Variants in LRRC41 observed in about 807,000 individuals in gnomAD.
The protein encoded by LRRC41 is leucine rich repeat containing 41.
LRRC41 carries 17 observed loss-of-function variants against 72.1 expected under a neutral mutation model. That is an observed-to-expected ratio of 0.24 (90% confidence interval 0.16 to 0.35). The LOEUF (loss-of-function observed/expected upper bound fraction) is 0.35, where lower values mean the gene tolerates loss of function less well. Among genes scored for constraint, LRRC41 ranks in the 10% least tolerant of loss-of-function variants. The pLI is 1.00. For synonymous variants in LRRC41, 427 were observed against 431.0 expected, an observed-to-expected ratio of 0.99 and a Z score of 0.11; for missense variants, 759 against 1,065.0, an observed-to-expected ratio of 0.71 and a Z score of 4.00.
At position 46,281,328 on chromosome 1, in the gene LRRC41, G is replaced by C; in HGVS notation, c.1553C>G (p.Ala518Gly). ...ATGCAGGGCACGGAGGCGACATCCA[G>C]CCTGGCCTGACAGGGCCCGCAGGCT... Reference protein sequence around the residue: ...LDSLRALSGQAGCRLRALHLS... With the variant: ...LDSLRALSGQGGCRLRALHLS... The change falls in exon 5 of 10, where the codon GCT (alanine) becomes GGT (glycine). Residue 518 changes from alanine (A) to glycine (G), a missense_variant. Physicochemically the swap from Ala to Gly is moderately conservative, Grantham distance 60. Around this residue, in one of 4 missense-constraint regions of LRRC41, gnomAD observed 427 missense variants for 520.9 expected, o/e 0.82. Transcript: ENST00000617190. The C allele has an allele frequency of 2.5e-6, 4 of 1,614,212 alleles. No individual in the cohort carries two copies. The highest frequency in any genetic ancestry group is 3.4e-6 in the Non-Finnish European group (4 of 1,180,032).
chr1:46,301,862 A>C, intron 1 of LRRC41: 26 of 611,852 alleles, frequency 4.2e-5, no homozygotes, highest in Non-Finnish European at 5.1e-5. Context: ...CGGGCCTGCC[A>C]CCTCTTCGCC....
chr1:46,281,099 ACAC>A, intron 5 of LRRC41, 23 bp downstream of exon 5: 1 of 1,611,816 alleles, frequency 6.2e-7, no homozygotes, highest in South Asian at 1.1e-5. Flanking sequence ...GCGTGCACAC[ACAC>A]AAACACACAC....
intron 2 of LRRC41, 45 bp from the exon 3 acceptor site, chr1:46,297,678 A>C: frequency 7.4e-7 from 1 of 1,359,634 alleles, no homozygotes; most frequent in Non-Finnish European, 1.1e-6. Flanking sequence ...GGCCACCATG[A>C]GTAAAGTACA....
chr1:46,303,288 CA>C lies in LRRC41; in HGVS notation c.34del (p.Cys12AlafsTer6). On this transcript the variant is annotated frameshift_variant, in exon 1 of 10. Transcript: ENST00000617190. LOFTEE classifies it high-confidence loss of function. ...AAPEAWRARS[C>X]WFCEVAAATT... is the part of the protein sequence containing the mutation. ...TGCCGCCGCTACCTCACAGAACCAGCAACTCCGGGCGCGCCAGGCCTCGGGC... is the reference window on the plus strand; with the variant it reads ...TGCCGCCGCTACCTCACAGAACCAGCACTCCGGGCGCGCCAGGCCTCGGGC... The C allele has an allele frequency of 6.5e-7, 1 of 1,540,864 alleles. No individual in the cohort carries two copies.
At position 46,302,384 on chromosome 1, in the gene LRRC41, C is replaced by G. The variant is rs901276475; in HGVS notation, c.199+740G>C. 2.0e-6 allele frequency: 2 copies of G among 985,174 alleles called. No individual in the cohort carries two copies. Among genetic ancestry groups the G allele is most frequent in the Non-Finnish European group, 2.4e-6 (2 of 829,798 alleles). 61.0% of individuals were successfully genotyped at this position (985,174 alleles called of 1,614,324 possible). On this transcript the variant is annotated intron_variant, in intron 1 of 9. Transcript: ENST00000617190. The surrounding 1 kb of genome is among the most constrained non-coding windows in gnomAD (Gnocchi z 4.7). ...CGCTCTCCGGTCCCTCCTCGCCGCT[C>G]GAGCCGATCCGAGTGGCCTCCGGCG... is the stretch of plus-strand genomic sequence containing the variant.
At chr1:46,283,641 T>C (rs566673829) in intron 4 of LRRC41, among the ~76,000 whole-genome samples, 32 of 152,172 alleles carry the variant, frequency 2.1e-4, no homozygotes, top group South Asian at 1.2e-3. Flanking sequence ...ATGGATGAAA[T>C]TGTCCAAGAA....
In LRRC41 at chr1:46,302,146, G is replaced by C. The variant is rs559334572; in HGVS notation, c.199+978C>G. 4.0e-5 allele frequency: 39 copies of C among 984,976 alleles called. No homozygotes were observed. Among genetic ancestry groups the C allele is most frequent in the Non-Finnish European group, 4.5e-5 (37 of 829,794 alleles). The allele number at this position is 984,976 out of a possible 1,614,324, so 61.0% of individuals were successfully genotyped here. ...CCCAGGCCGCCCTCCATCCAGGCCC[G>C]GCCCTTTGGTCCCGGCCGCCTTCAG... On this transcript the variant is annotated intron_variant, in intron 1 of 9. Transcript: ENST00000617190. The surrounding 1 kb of genome is among the most constrained non-coding windows in gnomAD (Gnocchi z 4.7).
At chr1:46,293,197 A>C (rs1035105762) in intron 3 of LRRC41, among the ~76,000 whole-genome samples, 1 of 151,620 alleles carries the variant, frequency 6.6e-6, no homozygotes, top group African/African-American at 2.4e-5. Flanking sequence ...AAAAAAAAAA[A>C]TTAGTACTCT....
intron 3 of LRRC41, among the ~76,000 whole-genome samples, chr1:46,290,904 G>A (rs577328807): frequency 4.2e-5 from 6 of 144,320 alleles, no homozygotes; most frequent in Non-Finnish European, 7.5e-5. Context: ...CACCATGCCC[G>A]GCCTGTTTCT....
intron 4 of LRRC41, among the ~76,000 whole-genome samples, chr1:46,283,959 C>T (rs887775514): frequency 2.6e-5 from 4 of 151,894 alleles, no homozygotes; most frequent in African/African-American, 9.7e-5. Flanking sequence ...CCACTGCGCC[C>T]GGCCAAGAAA....
At chr1:46,297,667 T>C (rs746215770) in intron 2 of LRRC41, 34 bp from the exon 3 acceptor site, 1 of 1,481,948 alleles carries the variant, frequency 6.7e-7, no homozygotes, top group African/African-American at 1.4e-5. Context: ...GGCTGCTTAC[T>C]GGCCACCATG....
At chr1:46,300,164 C>T (rs1023303413) in intron 1 of LRRC41, 16 of 151,984 alleles carry the variant, frequency 1.1e-4, no homozygotes, top group Admixed American at 3.9e-4. Context: ...CCCATCTCTA[C>T]CAAAAATACA....
intron 3 of LRRC41, among the ~76,000 whole-genome samples, chr1:46,289,578 C>A (rs1040159473): frequency 2.6e-5 from 4 of 151,922 alleles, no homozygotes; most frequent in African/African-American, 7.3e-5. Context: ...CTGGCTAACA[C>A]GGTGAAACCC....
chr1:46,303,480 A>G lies in LRRC41; in HGVS notation c.-158T>C. 1.3e-6 allele frequency: 1 copy of G among 781,470 alleles called. No homozygotes were observed. Among genetic ancestry groups the G allele is most frequent in the Non-Finnish European group, 2.0e-6 (1 of 505,304 alleles). 48.4% of individuals were successfully genotyped at this position (781,470 alleles called of 1,614,324 possible). A position where few individuals can be genotyped will look rare whatever the true frequency, so the allele number is the denominator to read the frequency against. The stretch of plus-strand genomic sequence containing the variant: ...ACACTTTCCAAGTCTCTTAGGAGCT[A>G]CTATTTTAGATAAACTCCTAGATCA... On this transcript the variant is annotated 5_prime_UTR_variant, in exon 1 of 10. Transcript: ENST00000617190.
chr1:46,302,270 G>A lies in LRRC41; in HGVS notation c.199+854C>T, dbSNP rs1445633245. On this transcript the variant is annotated intron_variant, in intron 1 of 9. Coordinates refer to ENST00000617190, the MANE Select transcript of LRRC41 (RefSeq NM_006369.5). This position sits in a 1 kb window ranked among gnomAD's most constrained non-coding sequence, Gnocchi z 4.7. Reference sequence around the variant, plus strand: ...GGCAGTCCGGGATCCCCGGGCCGTCGCCCCGCTTGGGGCCTCCTTGGCCCT... The same window carrying A: ...GGCAGTCCGGGATCCCCGGGCCGTCACCCCGCTTGGGGCCTCCTTGGCCCT... 6 of 985,050 alleles carry A rather than the reference G, an allele frequency of 6.1e-6. No homozygotes were observed. In the African/African-American group the frequency reaches 1.0e-4, roughly 17 times the overall value. 61.0% of individuals were successfully genotyped at this position (985,050 alleles called of 1,614,324 possible).
At chr1:46,292,494 A>C (rs1661040067) in intron 3 of LRRC41, among the ~76,000 whole-genome samples, 1 of 152,210 alleles carries the variant, frequency 6.6e-6, no homozygotes, top group African/African-American at 2.4e-5. Context: ...TAAAATGCAA[A>C]TTTCGCCATG....
chr1:46,281,172 C>T lies in LRRC41; in HGVS notation c.1709G>A (p.Gly570Glu), dbSNP rs1255456091. 2.5e-6 allele frequency: 4 copies of T among 1,614,048 alleles called. No individual in the cohort carries two copies. The Admixed American group carries it at 6.7e-5, about 27-fold the overall frequency. ...PSQRDNPGVP[G>E]NAGPPSHIIG... ...TATGTGGCTAGGGGGCCCTGCATTCCCTGGCACACCAGGGTTGTCCCGCTG... is the reference window on the plus strand; with the variant it reads ...TATGTGGCTAGGGGGCCCTGCATTCTCTGGCACACCAGGGTTGTCCCGCTG... Residue 570 changes from glycine (G) to glutamate (E), a missense_variant, in exon 5 of 10, where the codon GGG becomes GAG. Gly to Glu is a moderately conservative substitution (Grantham distance 98). This residue lies in a region of LRRC41 where 427 missense variants were observed against 520.9 expected (regional missense o/e 0.82). Coordinates refer to ENST00000617190, the MANE Select transcript of LRRC41 (RefSeq NM_006369.5).
chr1:46,290,156 G>A (rs1195781952), intron 3 of LRRC41, among the ~76,000 whole-genome samples: 6 of 152,150 alleles, frequency 3.9e-5, no homozygotes, highest in Non-Finnish European at 7.4e-5. Flanking sequence ...GCATGTAATC[G>A]CAGTACTTGG....
intron 4 of LRRC41, among the ~76,000 whole-genome samples, chr1:46,282,076 C>T (rs1376752603): frequency 8.4e-6 from 1 of 118,578 alleles, no homozygotes; most frequent in Non-Finnish European, 1.9e-5. Flanking sequence ...AAGACTGTCT[C>T]AAAAAAAAAA....
Sources: gnomAD v4.1 joint callset for allele counts (sites outside exome capture counted in the v4.1 genomes callset) on GRCh38, gnomAD v4.1.1 for gene constraint, gnomAD v4.1.1 regional missense constraint, Gnocchi (gnomAD v3.1) non-coding constraint, MANE v1.5 for transcripts, NCBI Gene and HGNC (gene_info 2026-07-23, HGNC 2026-07-21) for gene names.